OSGEP: variants seen among roughly 807,000 people sequenced by gnomAD.
OSGEP encodes the protein tRNA N6-adenosine threonylcarbamoyltransferase.
Under a neutral mutation model 44.1 loss-of-function variants are expected in OSGEP, and 39 were observed. That is an observed-to-expected ratio of 0.88 (90% CI 0.69 to 1.16). OSGEP has a LOEUF of 1.16. OSGEP is among the 50% of genes most tolerant of loss of function. The pLI, the probability that OSGEP is intolerant of heterozygous loss-of-function variation, is 0.00. For synonymous variants in OSGEP, 139 were observed against 161.9 expected (o/e 0.86, Z 1.07); for missense variants, 403 against 443.1 (o/e 0.91, Z 0.81).
rs36219438 is a variant in OSGEP at position 20,454,271 on chromosome 14, A to T, written c.115+298T>A. Among the ~76,000 whole-genome samples, 1,044 of 152,298 alleles carry T rather than the reference A, an allele frequency of 6.9e-3. 10 individuals are homozygous for T. Among genetic ancestry groups the T allele is most frequent in the African/African-American group, 0.022 (927 of 41,562 alleles). The stretch of plus-strand genomic sequence containing the variant: ...AATATTTCGAGTCCATCTCTATTAT[A>T]CTGTTTATCATGCTGTAGTATAAAC... On this transcript the variant is annotated intron_variant, in intron 1 of 10. Transcript: ENST00000206542.
chr14:20,454,264 C>G (rs1384821277), intron 1 of OSGEP, among the ~76,000 whole-genome samples: 3 of 152,148 alleles, frequency 2.0e-5, no homozygotes, highest in Non-Finnish European at 2.9e-5. Context: ...GAGTCCATCT[C>G]TATTATACTG....
At chr14:20,449,486 TAGGTTC>T in intron 3 of OSGEP, 1 of 522,224 alleles carries the variant, frequency 1.9e-6, no homozygotes, top group South Asian at 2.2e-5. Flanking sequence ...CTAGACAGTG[TAGGTTC>T]AGGCAGAAAT....
intron 3 of OSGEP, chr14:20,451,730 G>A: frequency 2.7e-6 from 1 of 368,304 alleles, no homozygotes; most frequent in East Asian, 4.2e-5. Context: ...CTTTCCTGAA[G>A]TAGAAATTCC....
rs1358550121 is a variant in OSGEP at position 20,447,444 on chromosome 14, T to G, written c.946A>C (p.Ser316Arg). 1 of 1,613,916 alleles carries G rather than the reference T, an allele frequency of 6.2e-7. No individual in the cohort carries two copies. The highest frequency in any genetic ancestry group is 8.5e-7 in the Non-Finnish European group (1 of 1,179,800). Residue 316 changes from serine (S) to arginine (R), a missense_variant, in exon 10 of 11, where the codon AGT becomes CGT. Coordinates refer to ENST00000206542, the MANE Select transcript of OSGEP (RefSeq NM_017807.4). Reference protein sequence around the residue: ...MFRAGHRTPLSDSGVTQRYRT... With the variant: ...MFRAGHRTPLRDSGVTQRYRT... ...CACCTCTGTGTAACCCCAGAATCAC[T>G]GAGTGGGGTCCTGTGTCCAGCCCGA...
At chr14:20,449,293 A>T in intron 3 of OSGEP, 27 bp from the exon 4 acceptor site, 2 of 1,337,368 alleles carry the variant, frequency 1.5e-6, no homozygotes, top group South Asian at 2.3e-5. Flanking sequence ...AGTCCATGAA[A>T]CCCCAAGTCT....
rs61278338 is a variant in OSGEP, at chr14:20,452,154, G to A, written c.236-5C>T. On this transcript the variant is annotated splice_region_variant and splice_polypyrimidine_tract_variant and intron_variant, in intron 2 of 10. Coordinates refer to ENST00000206542, the MANE Select transcript of OSGEP (RefSeq NM_017807.4). Reference sequence around the variant, plus strand: ...GTGGGGCACCCATGCCAGGGCCTAGGGAGATAGAAATGGAAGTTATAATCC... The same window carrying A: ...GTGGGGCACCCATGCCAGGGCCTAGAGAGATAGAAATGGAAGTTATAATCC... The A allele has an allele frequency of 6.2e-7, 1 of 1,603,792 alleles. No homozygotes were observed. Among genetic ancestry groups the A allele is most frequent in the Non-Finnish European group, 8.5e-7 (1 of 1,174,672 alleles).
Position 20,446,676 on chromosome 14 carries a change from T to A in OSGEP, c.*564A>T, listed in dbSNP as rs1880952681. The A allele has an allele frequency of 6.6e-6, 1 of 152,424 alleles. No homozygotes were observed. The highest frequency in any genetic ancestry group is 2.4e-5 in the African/African-American group (1 of 41,432). 9.4% of individuals were successfully genotyped at this position (152,424 alleles called of 1,614,324 possible). The stretch of plus-strand genomic sequence containing the variant: ...GGCTCAAACTCCTGGGCTCAAGGGA[T>A]CCTCCTGACTTGGCCTCCCACAGCA... On this transcript the variant is annotated 3_prime_UTR_variant, in exon 11 of 11. Coordinates refer to ENST00000206542, the MANE Select transcript of OSGEP (RefSeq NM_017807.4).
rs750729575 is a variant in OSGEP, at chr14:20,451,956, G to A, written c.411+18C>T. On this transcript the variant is annotated intron_variant, in intron 3 of 10. Coordinates refer to ENST00000206542, the MANE Select transcript of OSGEP (RefSeq NM_017807.4). ...TGCCTCAGAAATTGAGATGGAGTGG[G>A]TAGAGCCCTCTAAATACCTGCGTAT... is the stretch of plus-strand genomic sequence containing the variant. The A allele has an allele frequency of 1.3e-6, 2 of 1,570,320 alleles. No homozygotes were observed. Among genetic ancestry groups the A allele is most frequent in the Non-Finnish European group, 1.7e-6 (2 of 1,155,158 alleles).
At chr14:20,454,327 A>G (rs566422483) in intron 1 of OSGEP, among the ~76,000 whole-genome samples, 1 of 152,342 alleles carries the variant, frequency 6.6e-6, no homozygotes, top group East Asian at 1.9e-4. Context: ...CCACAGCAGT[A>G]TAACATCTAT....
chr14:20,447,568 C>A (rs750912785), intron 9 of OSGEP, 47 bp downstream of exon 9: 11 of 1,608,592 alleles, frequency 6.8e-6, no homozygotes, highest in Non-Finnish European at 9.4e-6. Context: ...TGGAAAATCA[C>A]TATAACAGGA....
At chr14:20,448,310 C>G in intron 6 of OSGEP, 139 bp from the exon 7 acceptor site, 1 of 755,026 alleles carries the variant, frequency 1.3e-6, no homozygotes, top group Admixed American at 1.9e-5. Context: ...ACATTCCCTT[C>G]ACTGGCATCA....
At chr14:20,453,423 A>G (rs1298662913) in intron 1 of OSGEP, among the ~76,000 whole-genome samples, 3 of 151,518 alleles carry the variant, frequency 2.0e-5, no homozygotes, top group Admixed American at 6.6e-5. Flanking sequence ...CTGGAGTGCA[A>G]TGGCACCATC....
chr14:20,454,773 C>A lies in OSGEP; in HGVS notation c.-90G>T. On this transcript the variant is annotated 5_prime_UTR_variant, in exon 1 of 11. Transcript: ENST00000206542. The stretch of plus-strand genomic sequence containing the variant: ...CTAGTCCGCGCTGGGCCGCAGCTTT[C>A]CGGAGCGCAGAGGAAGCTGGCCAGC... 1.0e-6 allele frequency: 1 copy of A among 955,426 alleles called. No homozygotes were observed. Among genetic ancestry groups the A allele is most frequent in the Non-Finnish European group, 1.6e-6 (1 of 618,654 alleles). The allele number at this position is 955,426 out of a possible 1,614,324, so 59.2% of individuals were successfully genotyped here.
In OSGEP at chr14:20,449,258, T is replaced by C. The variant is rs565243351; in HGVS notation, c.420A>G (p.Ala140=). ...YVSGGNTQVI[A]YSEHRYRIFG... ...AGATACGGTAACGATGTTCCGAGTA[T>C]GCAATCACCTAAGGGTGATGAGGAA... Residue 140 remains alanine (A), a synonymous_variant, in exon 4 of 11, where the codon GCA becomes GCG. Transcript: ENST00000206542. 4.4e-6 allele frequency: 7 copies of C among 1,599,134 alleles called. No homozygotes were observed. In the African/African-American group the frequency reaches 9.4e-5, roughly 21 times the overall value.
chr14:20,454,187 A>G (rs1881192062), intron 1 of OSGEP, among the ~76,000 whole-genome samples: 1 of 152,164 alleles, frequency 6.6e-6, no homozygotes, highest in Non-Finnish European at 1.5e-5. Context: ...TTTTTTAAAA[A>G]GGGAGTGTAT....
intron 1 of OSGEP, among the ~76,000 whole-genome samples, chr14:20,453,817 T>A (rs1382986738): frequency 6.6e-6 from 1 of 151,586 alleles, no homozygotes; most frequent in African/African-American, 2.4e-5. Context: ...AGGTCAGGAG[T>A]TCGAGACCAG....
In OSGEP at chr14:20,447,446, AG is replaced by A; in HGVS notation, c.943del (p.Leu315SerfsTer15). The A allele has an allele frequency of 6.2e-7, 1 of 1,613,918 alleles. No individual in the cohort carries two copies. Among genetic ancestry groups the A allele is most frequent in the Non-Finnish European group, 8.5e-7 (1 of 1,179,798 alleles). ...CCTCTGTGTAACCCCAGAATCACTG[AG>A]TGGGGTCCTGTGTCCAGCCCGAAAC... ...EMFRAGHRTP[L>X]SDSGVTQRYR... On this transcript the variant is annotated frameshift_variant, in exon 10 of 11. Transcript: ENST00000206542. LOFTEE classifies it high-confidence loss of function.
chr14:20,454,506 G>C (rs764738930), intron 1 of OSGEP, 63 bp downstream of exon 1: 2 of 1,106,952 alleles, frequency 1.8e-6, no homozygotes, highest in South Asian at 1.2e-5. Context: ...TATTTAGGAA[G>C]ATGGAAGGCT....
intron 6 of OSGEP, among the ~76,000 whole-genome samples, 177 bp downstream of exon 6, chr14:20,448,556 T>C (rs147827594): frequency 6.6e-6 from 1 of 152,144 alleles, no homozygotes; most frequent in Non-Finnish European, 1.5e-5. Context: ...TAGAACAGCA[T>C]GTGGCACACA....
Sources: allele counts gnomAD v4.1 joint callset (sites outside exome capture counted in the v4.1 genomes callset), GRCh38; gene constraint gnomAD v4.1.1; transcripts MANE v1.5; gene names NCBI Gene and HGNC (gene_info 2026-07-23, HGNC 2026-07-21).